Variants in EGF observed in about 807,000 individuals in gnomAD.
The protein encoded by EGF is epidermal growth factor, also known as pro-epidermal growth factor.
A neutral mutation model predicts 143.8 loss-of-function variants in EGF; 95 were observed. The ratio of observed to expected loss-of-function variants is 0.66; its 90% confidence interval spans 0.56 to 0.78. The LOEUF is 0.78. Among genes scored for constraint, EGF ranks in the 30% least tolerant of loss-of-function variants. EGF has a pLI of 0.00. For missense variants in EGF, 1,320 were observed against 1,470.9 expected (o/e 0.90, Z 1.68); for synonymous variants, 510 against 510.5 (o/e 1.00, Z 0.01).
In EGF at chr4:109,943,988, A is replaced by G; in HGVS notation, c.656A>G (p.Tyr219Cys). 3 of 1,614,240 alleles carry G rather than the reference A, an allele frequency of 1.9e-6. No individual in the cohort carries two copies. The highest frequency in any genetic ancestry group is 2.5e-6 in the Non-Finnish European group (3 of 1,180,046). Reference sequence around the variant, plus strand: ...GATAAGCGGCTGTTTTGGATTCAGTACAACAGAGAAGGAAGCAATTCTCTT... The same window carrying G: ...GATAAGCGGCTGTTTTGGATTCAGTGCAACAGAGAAGGAAGCAATTCTCTT... ...VLDKRLFWIQ[Y>C]NREGSNSLIC... Residue 219 changes from tyrosine (Y) to cysteine (C), a missense_variant, in exon 4 of 24, where the codon TAC (tyrosine) becomes TGC (cysteine). Around this residue, in one of 5 missense-constraint regions of EGF, gnomAD observed 1,186 missense variants for 1,313.7 expected, o/e 0.90. Transcript: ENST00000265171.
chr4:109,980,248 C>T, intron 14 of EGF, 109 bp downstream of exon 14: 1 of 1,159,708 alleles, frequency 8.6e-7, no homozygotes, highest in Non-Finnish European at 1.2e-6. Context: ...TTGTAACTTT[C>T]ACTAACTGTG....
Position 109,988,625 on chromosome 4 carries a change from GCCT to G in EGF, c.2656_2658del (p.Ser886del). On this transcript the variant is annotated inframe_deletion, in exon 18 of 24. Transcript: ENST00000265171. ...GATGGGTGTCCCAGTGTGCCCCCCT[GCCT>G]CCTCCAAGTGCATCAACACCGAAGG... is the stretch of plus-strand genomic sequence containing the variant. The G allele has an allele frequency of 3.1e-6, 5 of 1,614,062 alleles. No individual in the cohort carries two copies. Among genetic ancestry groups the G allele is most frequent in the Non-Finnish European group, 3.4e-6 (4 of 1,179,932 alleles).
chr4:110,009,585 C>T (rs991087023), intron 23 of EGF, among the ~76,000 whole-genome samples: 1 of 151,980 alleles, frequency 6.6e-6, no homozygotes, highest in Non-Finnish European at 1.5e-5. Flanking sequence ...TTTTTCCCCC[C>T]GCACTGTACT....
chr4:109,948,909 G>A (rs1283140431), intron 5 of EGF, among the ~76,000 whole-genome samples: 1 of 152,174 alleles, frequency 6.6e-6, no homozygotes, highest in Non-Finnish European at 1.5e-5. Context: ...GCATTTAGTA[G>A]TGAAACTACT....
chr4:110,007,465 G>A (rs992223780), intron 22 of EGF, among the ~76,000 whole-genome samples: 1 of 152,178 alleles, frequency 6.6e-6, no homozygotes, highest in Non-Finnish European at 1.5e-5. Context: ...GCATGGATCT[G>A]TTTTAATATC....
intron 1 of EGF, among the ~76,000 whole-genome samples, chr4:109,930,709 A>C (rs1739538865): frequency 6.6e-6 from 1 of 152,044 alleles, no homozygotes; most frequent in Non-Finnish European, 1.5e-5. Context: ...TGTGTGGGGC[A>C]CTCCCTCAGA....
chr4:110,005,036 C>CTTTTTTTTTTTTTTTT (rs538062029), intron 22 of EGF, among the ~76,000 whole-genome samples: 10 of 80,696 alleles, frequency 1.2e-4, no homozygotes, highest in Admixed American at 1.7e-4. Context: ...TTTTCTCTGT[C>CTTTTTTTTTTTTTTTT]TTTTTTTTTT....
chr4:110,008,808 T>C (rs1472811146), intron 23 of EGF, among the ~76,000 whole-genome samples: 1 of 152,182 alleles, frequency 6.6e-6, no homozygotes, highest in Non-Finnish European at 1.5e-5. Flanking sequence ...CTACTTCAGA[T>C]AGAAATGAAC....
chr4:110,002,878 T>C (rs1028925370), intron 21 of EGF, among the ~76,000 whole-genome samples: 4 of 152,308 alleles, frequency 2.6e-5, no homozygotes, highest in Admixed American at 6.5e-5. Context: ...TGAGTTCCCA[T>C]CATTTAGCTC....
At chr4:109,918,883 C>T (rs1342593298) in intron 1 of EGF, among the ~76,000 whole-genome samples, 3 of 152,152 alleles carry the variant, frequency 2.0e-5, no homozygotes, top group Admixed American at 6.5e-5. Context: ...ACTTGCCAGA[C>T]ATCTCTTTTT....
At chr4:109,989,821 G>A (rs1335223522) in intron 18 of EGF, among the ~76,000 whole-genome samples, 1 of 152,084 alleles carries the variant, frequency 6.6e-6, no homozygotes, top group African/African-American at 2.4e-5. Context: ...TATCGAGCAC[G>A]CAATGGGGTG....
chr4:109,962,439 G>A (rs1257897878), intron 8 of EGF, among the ~76,000 whole-genome samples: 1 of 152,186 alleles, frequency 6.6e-6, no homozygotes, highest in African/African-American at 2.4e-5. Flanking sequence ...ATAACTGGAT[G>A]TAACTCAGAA....
chr4:109,932,377 A>ATATATATAT lies in EGF; in HGVS notation c.128-8569_128-8568insTATATATAT, dbSNP rs1553929849. On this transcript the variant is annotated intron_variant, in intron 1 of 23. Transcript: ENST00000265171. ...CATTTAGTCATATATATATATATATAAATTTTTTTTTTTTTTTTTGAGACG... is the reference window on the plus strand; with the variant it reads ...CATTTAGTCATATATATATATATATATATATATATAATTTTTTTTTTTTTTTTTGAGACG... 2.7e-3 allele frequency among the ~76,000 whole-genome samples: 329 copies of ATATATATAT among 123,892 alleles called. 1 individual carries two copies. Among genetic ancestry groups the ATATATATAT allele is most frequent in the African/African-American group, 0.011 (308 of 28,896 alleles). 81.3% of individuals were successfully genotyped at this position (123,892 alleles called of 152,430 possible).
At chr4:109,947,307 A>G (rs1743028101) in intron 5 of EGF, among the ~76,000 whole-genome samples, 1 of 152,098 alleles carries the variant, frequency 6.6e-6, no homozygotes, top group Non-Finnish European at 1.5e-5. Flanking sequence ...TTTAAAATAT[A>G]TTTAATGTTA....
intron 23 of EGF, 22 bp downstream of exon 23, chr4:110,008,252 C>CT: frequency 6.2e-7 from 1 of 1,613,620 alleles, no homozygotes; most frequent in Non-Finnish European, 8.5e-7. Flanking sequence ...TCCCTGGCTC[C>CT]TGGTGAATGG....
intron 15 of EGF, among the ~76,000 whole-genome samples, chr4:109,981,644 T>A (rs1298773815): frequency 6.6e-6 from 1 of 152,188 alleles, no homozygotes; most frequent in Non-Finnish European, 1.5e-5. Flanking sequence ...TTTTTAAAAA[T>A]TTATATTTAT....
intron 1 of EGF, among the ~76,000 whole-genome samples, chr4:109,923,597 A>G (rs2125943263): frequency 6.6e-6 from 1 of 151,416 alleles, no homozygotes; most frequent in African/African-American, 2.4e-5. Context: ...ATTTAGTAGG[A>G]CTCATGATGA....
chr4:109,925,786 G>GA (rs1738534471), intron 1 of EGF, among the ~76,000 whole-genome samples: 1 of 152,052 alleles, frequency 6.6e-6, no homozygotes, highest in African/African-American at 2.4e-5. Flanking sequence ...AATGTTCTAT[G>GA]AAAAAAATGG....
intron 18 of EGF, among the ~76,000 whole-genome samples, chr4:109,989,922 C>T (rs916457447): frequency 3.3e-5 from 5 of 152,056 alleles, no homozygotes; most frequent in African/African-American, 1.2e-4. Flanking sequence ...CCAGCTCACT[C>T]TTACTCTCTC....
Sources: gnomAD v4.1 joint callset for allele counts (sites outside exome capture counted in the v4.1 genomes callset) on GRCh38, gnomAD v4.1.1 for gene constraint, gnomAD v4.1.1 regional missense constraint, MANE v1.5 for transcripts, NCBI Gene and HGNC (gene_info 2026-07-23, HGNC 2026-07-21) for gene names.